The following HIBADH variants were observed in gnomAD, a reference collection of about 807,000 sequenced individuals.
HIBADH encodes the protein 3-hydroxyisobutyrate dehydrogenase, also known as 3-hydroxyisobutyrate dehydrogenase, mitochondrial.
In HIBADH, 25 loss-of-function variants were observed where a neutral mutation model predicts 36.1. The ratio of observed to expected loss-of-function variants is 0.69; its 90% CI spans 0.50 to 0.97. HIBADH has a LOEUF of 0.97. Among genes scored for constraint, HIBADH ranks in the 50% least tolerant of loss-of-function variants. The pLI is 0.00. For synonymous variants in HIBADH, 160 were observed against 149.5 expected (o/e 1.07, Z -0.51); for missense variants, 421 against 418.0 (o/e 1.01, Z -0.06).
In HIBADH at chr7:27,534,218, C is replaced by T. The variant is rs1173342310; in HGVS notation, c.696-2870G>A. ...TTCACTGTAACCAAGACTTTAAGGG[C>T]CAAAAATGTTTGTTTATATTATCTG... On this transcript the variant is annotated intron_variant, in intron 6 of 7. Transcript: ENST00000265395. 3.9e-5 allele frequency among the ~76,000 whole-genome samples: 6 copies of T among 152,144 alleles called. No individual in the cohort carries two copies. In the South Asian group the frequency reaches 1.2e-3, roughly 32 times the overall value.
chr7:27,628,170 T>G (rs927852854), intron 4 of HIBADH, among the ~76,000 whole-genome samples: 1 of 152,098 alleles, frequency 6.6e-6, no homozygotes, highest in Non-Finnish European at 1.5e-5. Flanking sequence ...AAAGTACCTA[T>G]ACCACATCAT....
Position 27,629,279 on chromosome 7 carries a change from TAAC to T in HIBADH, c.484+89_484+91del, listed in dbSNP as rs567226945. 557 of 1,243,334 alleles carry T rather than the reference TAAC, an allele frequency of 4.5e-4. 2 individuals are homozygous for T. The highest frequency in any genetic ancestry group is 3.8e-3 in the South Asian group (196 of 51,694). 77.0% of individuals were successfully genotyped at this position (1,243,334 alleles called of 1,614,324 possible). ...GAGAATCCTGTAACAAGTCTAAAAA[TAAC>T]TACTACAAAACCATATGGTACAACA... is the stretch of plus-strand genomic sequence containing the variant. On this transcript the variant is annotated intron_variant, in intron 4 of 7. Coordinates refer to ENST00000265395, the MANE Select transcript of HIBADH (RefSeq NM_152740.4).
intron 4 of HIBADH, among the ~76,000 whole-genome samples, chr7:27,579,309 G>A (rs1437618245): frequency 1.3e-5 from 2 of 152,206 alleles, no homozygotes; most frequent in East Asian, 1.9e-4. Context: ...TATGTGGCAC[G>A]GGGCTGAAGG....
At chr7:27,542,863 T>A in intron 5 of HIBADH, 104 bp downstream of exon 5, 1 of 1,237,088 alleles carries the variant, frequency 8.1e-7, no homozygotes, top group Non-Finnish European at 1.1e-6. Context: ...GAGCAAAGAA[T>A]CCATAGGTTG....
Position 27,527,917 on chromosome 7 carries a change from C to CTTTTTTTTTTTTTTTTTTTTTTT in HIBADH, c.853-1546_853-1545insAAAAAAAAAAAAAAAAAAAAAAA, listed in dbSNP as rs1562609863. On this transcript the variant is annotated intron_variant, in intron 7 of 7. Transcript: ENST00000265395. ...AGGCATTTGCCACCACCACACCCAG[C>CTTTTTTTTTTTTTTTTTTTTTTT]GTTTTTTTTTTTTTTTTTTTTTTTT... Among the ~76,000 whole-genome samples, 43 of 77,030 alleles carry CTTTTTTTTTTTTTTTTTTTTTTT rather than the reference C, an allele frequency of 5.6e-4. 14 individuals carry two copies. Among genetic ancestry groups the CTTTTTTTTTTTTTTTTTTTTTTT allele is most frequent in the African/African-American group, 7.6e-4 (14 of 18,314 alleles). 50.5% of individuals were successfully genotyped at this position (77,030 alleles called of 152,430 possible). A position where few individuals can be genotyped will look rare whatever the true frequency, so the allele number is the denominator to read the frequency against.
intron 3 of HIBADH, among the ~76,000 whole-genome samples, chr7:27,630,092 A>T (rs1201915829): frequency 1.3e-5 from 2 of 152,178 alleles, no homozygotes; most frequent in Admixed American, 1.3e-4. Context: ...GAAATCTCAC[A>T]GTCTTTTTGG....
intron 4 of HIBADH, among the ~76,000 whole-genome samples, chr7:27,580,317 T>C (rs1295247168): frequency 6.6e-6 from 1 of 152,168 alleles, no homozygotes; most frequent in Non-Finnish European, 1.5e-5. Context: ...TACAGATCTA[T>C]TCACTTGTGA....
chr7:27,553,358 G>C (rs1032406981), intron 4 of HIBADH, among the ~76,000 whole-genome samples: 1 of 152,204 alleles, frequency 6.6e-6, no homozygotes, highest in Admixed American at 6.5e-5. Flanking sequence ...TCTATCCCAA[G>C]TTGGCAGCTG....
At chr7:27,656,374 T>C (rs545607216) in intron 1 of HIBADH, among the ~76,000 whole-genome samples, 218 of 152,314 alleles carry the variant, frequency 1.4e-3, no homozygotes, top group African/African-American at 5.0e-3. Context: ...ACTAATTATA[T>C]ATTAATAGGG....
chr7:27,623,487 C>A (rs1001243309), intron 4 of HIBADH, among the ~76,000 whole-genome samples: 9 of 152,100 alleles, frequency 5.9e-5, no homozygotes, highest in Non-Finnish European at 8.8e-5. Flanking sequence ...ATGATATGAT[C>A]TTACACCTAG....
chr7:27,662,807 C>G lies in HIBADH; in HGVS notation c.-19G>C, dbSNP rs1277562862. 7 of 1,463,694 alleles carry G rather than the reference C, an allele frequency of 4.8e-6. No individual in the cohort carries two copies. The East Asian group carries it at 1.8e-4, about 38-fold the overall frequency. 90.7% of individuals were successfully genotyped at this position (1,463,694 alleles called of 1,614,324 possible). A position where few individuals can be genotyped will look rare whatever the true frequency, so the allele number is the denominator to read the frequency against. The stretch of plus-strand genomic sequence containing the variant: ...CTGCCATGCTGCGCCCGCCCCTCTC[C>G]CCGCGGTGACCTCCGCCGCCTCCCG... On this transcript the variant is annotated 5_prime_UTR_variant, in exon 1 of 8. Transcript: ENST00000265395.
intron 4 of HIBADH, among the ~76,000 whole-genome samples, chr7:27,613,097 A>AATTTATATATATTCATATAAATAT (rs1174905185): frequency 8.4e-6 from 1 of 118,904 alleles, no homozygotes; most frequent in Non-Finnish European, 1.6e-5. Flanking sequence ...TATAAATTAT[A>AATTTATATATATTCATATAAATAT]ATTTATATAT....
At chr7:27,593,846 C>T (rs1028292844) in intron 4 of HIBADH, among the ~76,000 whole-genome samples, 1 of 151,552 alleles carries the variant, frequency 6.6e-6, no homozygotes. Flanking sequence ...ATATAGAAAT[C>T]AATACCTCTC....
At chr7:27,537,984 T>C (rs1215125266) in intron 6 of HIBADH, among the ~76,000 whole-genome samples, 2 of 152,336 alleles carry the variant, frequency 1.3e-5, no homozygotes, top group East Asian at 1.9e-4. Flanking sequence ...CCATGTCTTA[T>C]ACAAATTTGT....
intron 1 of HIBADH, among the ~76,000 whole-genome samples, chr7:27,662,216 A>G (rs1048434480): frequency 4.6e-5 from 7 of 152,102 alleles, no homozygotes; most frequent in African/African-American, 1.4e-4. Context: ...CGCTTGTGTA[A>G]TAAGGCCATC....
Position 27,662,687 on chromosome 7 carries a change from G to T in HIBADH, c.91+11C>A. 7.6e-7 allele frequency: 1 copy of T among 1,309,862 alleles called. No individual in the cohort carries two copies. Among genetic ancestry groups the T allele is most frequent in the East Asian group, 3.1e-5 (1 of 31,818 alleles). The allele number at this position is 1,309,862 out of a possible 1,614,324, so 81.1% of individuals were successfully genotyped here. On this transcript the variant is annotated intron_variant, in intron 1 of 7. Transcript: ENST00000265395. ...AAGAAGGACAAGGGGGAGGAGGCGT[G>T]AGGTCCTTACCCGCTGCAAAGCTGC... is the stretch of plus-strand genomic sequence containing the variant.
At position 27,639,441 on chromosome 7, in the gene HIBADH, G is replaced by C. The variant is rs533379325; in HGVS notation, c.253-6996C>G. On this transcript the variant is annotated intron_variant, in intron 2 of 7. Transcript: ENST00000265395. ...AACAGACACTTGAGACTACCTGAGG[G>C]GGGAGGGAGGGACAGAGGGTGAGGA... 2.9e-3 allele frequency among the ~76,000 whole-genome samples: 435 copies of C among 152,234 alleles called. 1 individual carries two copies. The highest frequency in any genetic ancestry group is 4.7e-3 in the Non-Finnish European group (322 of 68,006).
chr7:27,528,081 T>C (rs1381165933), intron 7 of HIBADH, among the ~76,000 whole-genome samples: 1 of 151,828 alleles, frequency 6.6e-6, no homozygotes, highest in African/African-American at 2.4e-5. Flanking sequence ...ATCTTTGATG[T>C]TACTATTGAA....
chr7:27,561,632 C>A (rs764201835), intron 4 of HIBADH, among the ~76,000 whole-genome samples: 6 of 152,150 alleles, frequency 3.9e-5, no homozygotes, highest in African/African-American at 9.6e-5. Flanking sequence ...TCCACCTGAT[C>A]AAATTTATTC....
Sources: allele counts gnomAD v4.1 joint callset (sites outside exome capture counted in the v4.1 genomes callset), GRCh38; gene constraint gnomAD v4.1.1; transcripts MANE v1.5; gene names NCBI Gene and HGNC (gene_info 2026-07-23, HGNC 2026-07-21).